The following MYO9B variants were observed in gnomAD, a reference collection of about 807,000 sequenced individuals.
MYO9B encodes the protein unconventional myosin-IXb.
A neutral mutation model predicts 229.5 loss-of-function variants in MYO9B; 71 were observed. The observed-to-expected ratio is 0.31, with a 90% CI of 0.26 to 0.38. MYO9B has a LOEUF of 0.38. MYO9B is among the 10% of genes least tolerant of loss of function. The pLI, the probability that MYO9B is intolerant of heterozygous loss-of-function variation, is 1.00. For synonymous variants in MYO9B, 1,185 were observed against 1,235.8 expected (o/e 0.96, Z 0.86); for missense variants, 2,255 against 2,920.5 (o/e 0.77, Z 5.25).
intron 3 of MYO9B, among the ~76,000 whole-genome samples, chr19:17,149,858 C>T (rs988180774): frequency 1.9e-4 from 29 of 152,124 alleles, no homozygotes; most frequent in Admixed American, 4.6e-4. Flanking sequence ...ATCTGTCAAG[C>T]GACATTTTGA....
intron 1 of MYO9B, among the ~76,000 whole-genome samples, chr19:17,090,396 C>T (rs894347585): frequency 8.5e-5 from 13 of 152,134 alleles, no homozygotes; most frequent in African/African-American, 2.2e-4. Context: ...AGCGGTCTGC[C>T]GGCCTTGGCC....
Position 17,191,143 on chromosome 19 carries a change from C to T in MYO9B, c.2735C>T (p.Pro912Leu), listed in dbSNP as rs940217312. The change falls in exon 20 of 40, where the codon CCC becomes CTC. Residue 912 changes from proline (P) to leucine (L), a missense_variant. Transcript: ENST00000682292. ...GTGCTCCTGCCCAAGGATGCCCAGCCCTGCAGGGAGGTCATCTCCACCCTC... is the reference window on the plus strand; with the variant it reads ...GTGCTCCTGCCCAAGGATGCCCAGCTCTGCAGGGAGGTCATCTCCACCCTC... ...FQVLLPKDAQ[P>L]CREVISTLLE... The T allele has an allele frequency of 2.5e-6, 4 of 1,612,770 alleles. No homozygotes were observed. The highest frequency in any genetic ancestry group is 2.7e-5 in the African/African-American group (2 of 74,992).
At chr19:17,082,924 G>A (rs1028535129) in intron 1 of MYO9B, among the ~76,000 whole-genome samples, 12 of 151,766 alleles carry the variant, frequency 7.9e-5, no homozygotes, top group Non-Finnish European at 1.6e-4. Context: ...CTTGCACTCC[G>A]CACTCTCAAT....
chr19:17,143,756 A>G (rs1332895299), intron 2 of MYO9B, among the ~76,000 whole-genome samples: 3 of 152,118 alleles, frequency 2.0e-5, no homozygotes, highest in Non-Finnish European at 2.9e-5. Context: ...CCCCGTCTCT[A>G]CTACAAATAC....
intron 2 of MYO9B, among the ~76,000 whole-genome samples, chr19:17,117,256 A>C (rs377707935): frequency 1.3e-5 from 2 of 152,146 alleles, no homozygotes; most frequent in South Asian, 4.1e-4. Flanking sequence ...TTTGTTTCCT[A>C]GTGATTATCC....
intron 2 of MYO9B, among the ~76,000 whole-genome samples, chr19:17,133,552 G>A (rs368163482): frequency 7.9e-5 from 12 of 151,906 alleles, no homozygotes; most frequent in African/African-American, 2.9e-4. Flanking sequence ...AACTTCCTGG[G>A]CCTAAGCGAT....
intron 2 of MYO9B, among the ~76,000 whole-genome samples, chr19:17,143,643 C>T (rs1460149048): frequency 1.3e-5 from 2 of 152,074 alleles, no homozygotes; most frequent in Non-Finnish European, 2.9e-5. Context: ...CTATTGGGGC[C>T]AGGCACAGTG....
At chr19:17,159,804 A>C (rs1216777305) in intron 8 of MYO9B, among the ~76,000 whole-genome samples, 1 of 152,258 alleles carries the variant, frequency 6.6e-6, no homozygotes, top group East Asian at 1.9e-4. Flanking sequence ...TTATTGGCAC[A>C]TGGCCATACC....
chr19:17,156,987 G>T lies in MYO9B; in HGVS notation c.1278G>T (p.Gly426=), dbSNP rs755162962. The T allele has an allele frequency of 2.5e-6, 4 of 1,613,774 alleles. No homozygotes were observed. Among genetic ancestry groups the T allele is most frequent in the Non-Finnish European group, 3.4e-6 (4 of 1,179,870 alleles). ...YKKRATGREE[G]LEVGPPEVLD... ...AGAGAGCTACAGGCCGAGAGGAAGG[G>T]TTGGAGGTCGGGCCACCCGAGGTGC... Residue 426 remains glycine (G), a synonymous_variant, in exon 7 of 40, where the codon GGG becomes GGT. Coordinates refer to ENST00000682292, the MANE Select transcript of MYO9B (RefSeq NM_004145.4).
intron 18 of MYO9B, 69 bp downstream of exon 18, chr19:17,186,070 C>T (rs2072916361): frequency 2.2e-6 from 3 of 1,388,616 alleles, no homozygotes; most frequent in Admixed American, 3.4e-5. Flanking sequence ...GGTGTCCCTG[C>T]ATCCAGCCCC....
chr19:17,152,468 C>T, intron 3 of MYO9B, 176 bp from the exon 4 acceptor site: 2 of 516,266 alleles, frequency 3.9e-6, no homozygotes, highest in South Asian at 4.3e-5. Context: ...GGGGCCGAGG[C>T]AAGAGAATCG....
chr19:17,133,478 A>G (rs1449274581), intron 2 of MYO9B, among the ~76,000 whole-genome samples: 1 of 151,990 alleles, frequency 6.6e-6, no homozygotes, highest in Admixed American at 6.6e-5. Context: ...TTTTTTTGAG[A>G]CAGGGTCTCG....
At chr19:17,185,478 G>A (rs1163407931) in intron 17 of MYO9B, among the ~76,000 whole-genome samples, 5 of 151,284 alleles carry the variant, frequency 3.3e-5, no homozygotes, top group African/African-American at 9.7e-5. Context: ...CCTGGGAGGC[G>A]GAGGCTGTAG....
chr19:17,211,605 C>A (rs1214031138), intron 38 of MYO9B, 42 bp from the exon 39 acceptor site: 2 of 1,539,868 alleles, frequency 1.3e-6, no homozygotes, highest in South Asian at 1.2e-5. Context: ...CCCAGCACTT[C>A]CGGTGGGGTG....
intron 3 of MYO9B, 66 bp from the exon 4 acceptor site, chr19:17,152,576 AAC>A: frequency 2.8e-6 from 4 of 1,419,152 alleles, no homozygotes; most frequent in South Asian, 2.5e-5. Flanking sequence ...AAAAAAAAAA[AAC>A]AACTCAATAT....
intron 2 of MYO9B, among the ~76,000 whole-genome samples, chr19:17,142,091 T>C (rs1340487790): frequency 6.6e-6 from 1 of 151,454 alleles, no homozygotes; most frequent in Non-Finnish European, 1.5e-5. Context: ...GGCAGGAGGA[T>C]TGCTTGAGGC....
chr19:17,094,116 A>G (rs1173904990), intron 1 of MYO9B, among the ~76,000 whole-genome samples: 10 of 151,640 alleles, frequency 6.6e-5, no homozygotes, highest in African/African-American at 1.7e-4. Flanking sequence ...GCACACTGCA[A>G]TCTCCACCTC....
intron 1 of MYO9B, among the ~76,000 whole-genome samples, chr19:17,097,088 G>A (rs1002560553): frequency 4.6e-5 from 7 of 151,854 alleles, no homozygotes; most frequent in Non-Finnish European, 1.0e-4. Context: ...TGGATCACTT[G>A]AAGTCAGGAG....
Position 17,191,177 on chromosome 19 carries a change from A to C in MYO9B, c.2769A>C (p.Lys923Asn). The C allele has an allele frequency of 6.2e-7, 1 of 1,612,426 alleles. No individual in the cohort carries two copies. Among genetic ancestry groups the C allele is most frequent in the Non-Finnish European group, 8.5e-7 (1 of 1,179,250 alleles). ...AGGTCATCTCCACCCTCCTGGAGAA[A>C]ATGAAGATAGACAAGAGGAACTACC... ...CREVISTLLE[K>N]MKIDKRNYQI... is the part of the protein sequence containing the mutation. Residue 923 changes from lysine (K) to asparagine (N), a missense_variant, in exon 20 of 40, where the codon AAA (lysine) becomes AAC (asparagine). By Grantham distance (94) the Lys-to-Asn change is moderately conservative (BLOSUM62 0). Around this residue, in one of 7 missense-constraint regions of MYO9B, gnomAD observed 679 missense variants for 770.2 expected, o/e 0.88. Coordinates refer to ENST00000682292, the MANE Select transcript of MYO9B (RefSeq NM_004145.4).
Sources: allele counts gnomAD v4.1 joint callset (sites outside exome capture counted in the v4.1 genomes callset), GRCh38; gene constraint gnomAD v4.1.1; regional missense constraint gnomAD v4.1.1; transcripts MANE v1.5; gene names NCBI Gene and HGNC (gene_info 2026-07-23, HGNC 2026-07-21).